SOX4: variants seen among roughly 807,000 people sequenced by gnomAD.
SOX4 encodes SRY-box transcription factor 4.
For missense variants in SOX4, 662 were observed against 694.9 expected (o/e 0.95, Z 0.53); for synonymous variants, 465 against 348.4 (o/e 1.33, Z -3.73).
rs894875547 is a variant in SOX4 at position 21,594,940 on chromosome 6, T to C, written c.406T>C (p.Ser136Pro). 5.0e-6 allele frequency: 8 copies of C among 1,611,064 alleles called. No individual in the cohort carries two copies. The highest frequency in any genetic ancestry group is 6.8e-6 in the Non-Finnish European group (8 of 1,178,818). Residue 136 changes from serine (S) to proline (P), a missense_variant, in exon 1 of 1, where the codon TCC (serine) becomes CCC (proline). Coordinates refer to ENST00000244745, the MANE Select transcript of SOX4 (RefSeq NM_003107.3). The part of the protein sequence containing the change: ...YKYRPRKKVK[S>P]GNANSSSSAA... ...GTACCGGCCCAGGAAGAAGGTGAAG[T>C]CCGGCAACGCCAACTCCAGCTCCTC... is the stretch of plus-strand genomic sequence containing the variant.
rs1213307615 is a variant in SOX4, at chr6:21,597,675, G to A, written c.*1716G>A. On this transcript the variant is annotated 3_prime_UTR_variant, in exon 1 of 1. Transcript: ENST00000244745. ...AAAAAAAGACAAGAGAGATGAAAAC[G>A]TTTGATTATTTTCTCAGTGTATTTT... 1 of 166,562 alleles carries A rather than the reference G, an allele frequency of 6.0e-6. No homozygotes were observed. The highest frequency in any genetic ancestry group is 1.5e-5 in the Non-Finnish European group (1 of 68,054). The allele number at this position is 166,562 out of a possible 1,614,324, so 10.3% of individuals were successfully genotyped here. A position where few individuals can be genotyped will look rare whatever the true frequency, so the allele number is the denominator to read the frequency against.
chr6:21,595,987 G>GA lies in SOX4; in HGVS notation c.*28_*29insA. ...GGCGCGCAGGCAGGGAGAAGGGCCG[G>GA]GGGGGGTAGGAGAGGAGAAAAAAAA... is the stretch of plus-strand genomic sequence containing the variant. On this transcript the variant is annotated 3_prime_UTR_variant, in exon 1 of 1. Transcript: ENST00000244745. 6.7e-7 allele frequency: 1 copy of GA among 1,490,122 alleles called. No individual in the cohort carries two copies. Among genetic ancestry groups the GA allele is most frequent in the Non-Finnish European group, 8.9e-7 (1 of 1,117,388 alleles). The allele number at this position is 1,490,122 out of a possible 1,614,324, so 92.3% of individuals were successfully genotyped here.
In SOX4 at chr6:21,593,918, T is replaced by C. The variant is rs937858371; in HGVS notation, c.-617T>C. The stretch of plus-strand genomic sequence containing the variant: ...GGAAACATACATTTATTCATGCCAG[T>C]CTGTTGCATGCAGGCTTTTTGGCTT... On this transcript the variant is annotated 5_prime_UTR_variant, in exon 1 of 1. Coordinates refer to ENST00000244745, the MANE Select transcript of SOX4 (RefSeq NM_003107.3). 6.6e-6 allele frequency: 1 copy of C among 152,066 alleles called. No homozygotes were observed. Among genetic ancestry groups the C allele is most frequent in the Non-Finnish European group, 1.5e-5 (1 of 68,040 alleles). 9.4% of individuals were successfully genotyped at this position (152,066 alleles called of 1,614,324 possible). A position where few individuals can be genotyped will look rare whatever the true frequency, so the allele number is the denominator to read the frequency against.
rs755350299 is a variant in SOX4, at chr6:21,595,443, C to T, written c.909C>T (p.Gly303=). 2.0e-6 allele frequency: 3 copies of T among 1,509,418 alleles called. No individual in the cohort carries two copies. The highest frequency in any genetic ancestry group is 2.9e-5 in the African/African-American group (2 of 69,326). 93.5% of individuals were successfully genotyped at this position (1,509,418 alleles called of 1,614,324 possible). ...VKRVYLFGGL[G]TSSSPVGGVG... is the part of the protein sequence containing the mutation. ...GCGTCTACCTGTTCGGCGGCCTGGG[C>T]ACGTCGTCGTCGCCCGTGGGCGGCG... The change falls in exon 1 of 1, where the codon GGC becomes GGT. Residue 303 remains glycine, a synonymous_variant. Transcript: ENST00000244745.
rs145209759 is a variant in SOX4, at chr6:21,595,737, C to G, written c.1203C>G (p.Phe401Leu). 3.8e-4 allele frequency: 617 copies of G among 1,612,616 alleles called. No homozygotes were observed. Among genetic ancestry groups the G allele is most frequent in the Middle Eastern group, 1.6e-4 (1 of 6,062 alleles). The change falls in exon 1 of 1, where the codon TTC becomes TTG. Residue 401 changes from phenylalanine to leucine, a missense_variant. By Grantham distance (22) the Phe-to-Leu change is conservative. Transcript: ENST00000244745. ...SSGSSSSDDEFEDDLLDLNPS... is the reference protein window; with the variant it reads ...SSGSSSSDDELEDDLLDLNPS... ...GCTCCTCGTCCTCCGACGACGAGTT[C>G]GAAGACGACCTGCTCGACCTGAACC...
At position 21,595,165 on chromosome 6, in the gene SOX4, G is replaced by A. The variant is rs1201164911; in HGVS notation, c.631G>A (p.Val211Ile). The A allele has an allele frequency of 8.4e-6, 11 of 1,301,794 alleles. No individual in the cohort carries two copies. Among genetic ancestry groups the A allele is most frequent in the African/African-American group, 1.6e-5 (1 of 63,954 alleles). 80.6% of individuals were successfully genotyped at this position (1,301,794 alleles called of 1,614,324 possible). The change falls in exon 1 of 1, where the codon GTT (valine) becomes ATT (isoleucine). Residue 211 changes from valine (V) to isoleucine (I), a missense_variant. Physicochemically the swap from Val to Ile is conservative, Grantham distance 29 (BLOSUM62 3). Coordinates refer to ENST00000244745, the MANE Select transcript of SOX4 (RefSeq NM_003107.3). The stretch of plus-strand genomic sequence containing the variant: ...AGTGGCGGGCGGCGCGGGCGGTGGG[G>A]TTAGCAAACCGCACGCCAAGCTCAT... ...SKVAGGAGGGVSKPHAKLILA... is the reference protein window; with the variant it reads ...SKVAGGAGGGISKPHAKLILA...
Position 21,595,773 on chromosome 6 carries a change from C to G in SOX4, c.1239C>G (p.Asn413Lys). 1 of 1,613,500 alleles carries G rather than the reference C, an allele frequency of 6.2e-7. No homozygotes were observed. Among genetic ancestry groups the G allele is most frequent in the Non-Finnish European group, 8.5e-7 (1 of 1,179,954 alleles). ...TGCTCGACCTGAACCCCAGCTCAAACTTTGAGAGCATGTCCCTGGGCAGCT... is the reference window on the plus strand; with the variant it reads ...TGCTCGACCTGAACCCCAGCTCAAAGTTTGAGAGCATGTCCCTGGGCAGCT... ...DDLLDLNPSS[N>K]FESMSLGSFS... The change falls in exon 1 of 1, where the codon AAC (asparagine) becomes AAG (lysine). Residue 413 changes from asparagine (N) to lysine (K), a missense_variant. Coordinates refer to ENST00000244745, the MANE Select transcript of SOX4 (RefSeq NM_003107.3).
Position 21,594,538 on chromosome 6 carries a change from G to A in SOX4, c.4G>A (p.Val2Met). Residue 2 changes from valine to methionine, a missense_variant, in exon 1 of 1, where the codon GTG becomes ATG. Coordinates refer to ENST00000244745, the MANE Select transcript of SOX4 (RefSeq NM_003107.3). MVQQTNNAENTE... is the reference protein window; with the variant it reads MMQQTNNAENTE... Reference sequence around the variant, plus strand: ...GGGCGCCCGCCGAGCCGAGGCCATGGTGCAGCAAACCAACAATGCCGAGAA... The same window carrying A: ...GGGCGCCCGCCGAGCCGAGGCCATGATGCAGCAAACCAACAATGCCGAGAA... The A allele has an allele frequency of 6.3e-7, 1 of 1,591,508 alleles. No individual in the cohort carries two copies. Among genetic ancestry groups the A allele is most frequent in the Non-Finnish European group, 8.5e-7 (1 of 1,172,692 alleles).
Position 21,598,522 on chromosome 6 carries a change from T to C in SOX4, c.*2563T>C, listed in dbSNP as rs1216910014. 4 of 167,030 alleles carry C rather than the reference T, an allele frequency of 2.4e-5. No individual in the cohort carries two copies. The highest frequency in any genetic ancestry group is 5.9e-5 in the Non-Finnish European group (4 of 68,122). The allele number at this position is 167,030 out of a possible 1,614,324, so 10.3% of individuals were successfully genotyped here. ...AAAAAGAAAAAATCATGCCAGCTAATCATGTCAAGTTCACTGCCTGTCAGA... is the reference window on the plus strand; with the variant it reads ...AAAAAGAAAAAATCATGCCAGCTAACCATGTCAAGTTCACTGCCTGTCAGA... On this transcript the variant is annotated 3_prime_UTR_variant, in exon 1 of 1. Transcript: ENST00000244745.
rs1361207064 is a variant in SOX4 at position 21,595,665 on chromosome 6, C to A, written c.1131C>A (p.His377Gln). ...ASPAPSSAPS[H>Q]ASSSASSHSS... ...CCGCCCCGTCCAGCGCGCCCTCGCA[C>A]GCGTCCTCCTCGGCCTCGTCCCACT... The change falls in exon 1 of 1, where the codon CAC (histidine) becomes CAA (glutamine). Residue 377 changes from histidine to glutamine, a missense_variant. Coordinates refer to ENST00000244745, the MANE Select transcript of SOX4 (RefSeq NM_003107.3). 2 of 1,540,954 alleles carry A rather than the reference C, an allele frequency of 1.3e-6. No homozygotes were observed. Among genetic ancestry groups the A allele is most frequent in the Non-Finnish European group, 1.7e-6 (2 of 1,144,304 alleles).
In SOX4 at chr6:21,596,275, A is replaced by C. The variant is rs559729519; in HGVS notation, c.*316A>C. The C allele has an allele frequency of 4.4e-6, 1 of 226,498 alleles. No homozygotes were observed. The highest frequency in any genetic ancestry group is 2.3e-5 in the African/African-American group (1 of 43,752). 14.0% of individuals were successfully genotyped at this position (226,498 alleles called of 1,614,324 possible). On this transcript the variant is annotated 3_prime_UTR_variant, in exon 1 of 1. Transcript: ENST00000244745. ...TTGATGTTGTTGTTGATGGCAAAAA[A>C]AAAAAAGCGACTTCGAGTTTGCTCC...
rs1331699708 is a variant in SOX4 at position 21,596,794 on chromosome 6, CTG to C, written c.*836_*837del. 6.0e-6 allele frequency: 1 copy of C among 166,808 alleles called. No homozygotes were observed. Among genetic ancestry groups the C allele is most frequent in the Non-Finnish European group, 1.5e-5 (1 of 68,134 alleles). 10.3% of individuals were successfully genotyped at this position (166,808 alleles called of 1,614,324 possible). A position where few individuals can be genotyped will look rare whatever the true frequency, so the allele number is the denominator to read the frequency against. On this transcript the variant is annotated 3_prime_UTR_variant, in exon 1 of 1. Coordinates refer to ENST00000244745, the MANE Select transcript of SOX4 (RefSeq NM_003107.3). ...AACTGGAAGGGGGTTCACGGTCAAACTGAAATGGATTTGCACGTTGGGGAGCT... is the reference window on the plus strand; with the variant it reads ...AACTGGAAGGGGGTTCACGGTCAAACAAATGGATTTGCACGTTGGGGAGCT...
In SOX4 at chr6:21,595,245, C is replaced by T. The variant is rs1763112608; in HGVS notation, c.711C>T (p.Phe237=). 3 of 1,249,022 alleles carry T rather than the reference C, an allele frequency of 2.4e-6. No individual in the cohort carries two copies. Among genetic ancestry groups the T allele is most frequent in the Admixed American group, 4.3e-5 (1 of 23,468 alleles). The allele number at this position is 1,249,022 out of a possible 1,614,324, so 77.4% of individuals were successfully genotyped here. ...GKAAAAAAAS[F]AAEQAGAAAL... ...CAGCGGCTGCCGCCGCCGCCTCCTTCGCCGCCGAACAGGCGGGGGCCGCCG... is the reference window on the plus strand; with the variant it reads ...CAGCGGCTGCCGCCGCCGCCTCCTTTGCCGCCGAACAGGCGGGGGCCGCCG... The change falls in exon 1 of 1, where the codon TTC becomes TTT. Residue 237 remains phenylalanine, a synonymous_variant. Transcript: ENST00000244745.
rs1281590770 is a variant in SOX4, at chr6:21,595,262, G to T, written c.728G>T (p.Gly243Val). The change falls in exon 1 of 1, where the codon GGG (glycine) becomes GTG (valine). Residue 243 changes from glycine (G) to valine (V), a missense_variant. Coordinates refer to ENST00000244745, the MANE Select transcript of SOX4 (RefSeq NM_003107.3). ...GCCTCCTTCGCCGCCGAACAGGCGG[G>T]GGCCGCCGCCCTGCTGCCCCTGGGC... ...AAASFAAEQA[G>V]AAALLPLGAA... The T allele has an allele frequency of 3.8e-6, 5 of 1,316,740 alleles. No individual in the cohort carries two copies. The African/African-American group carries it at 7.7e-5, about 20-fold the overall frequency. The allele number at this position is 1,316,740 out of a possible 1,614,324, so 81.6% of individuals were successfully genotyped here.
Position 21,597,091 on chromosome 6 carries a change from A to G in SOX4, c.*1132A>G, listed in dbSNP as rs940044791. 1 of 166,700 alleles carries G rather than the reference A, an allele frequency of 6.0e-6. No individual in the cohort carries two copies. The highest frequency in any genetic ancestry group is 6.5e-5 in the Admixed American group (1 of 15,280). The allele number at this position is 166,700 out of a possible 1,614,324, so 10.3% of individuals were successfully genotyped here. ...TAGCATGTTATCCTGTCTATCTTTTAAAGATTTCTGTATAAGACTGTTGAG... is the reference window on the plus strand; with the variant it reads ...TAGCATGTTATCCTGTCTATCTTTTGAAGATTTCTGTATAAGACTGTTGAG... On this transcript the variant is annotated 3_prime_UTR_variant, in exon 1 of 1. Transcript: ENST00000244745.
rs748261222 is a variant in SOX4, at chr6:21,594,906, C to A, written c.372C>A (p.Pro124=). ...RLRLKHMADY[P]DYKYRPRKKV... Reference sequence around the variant, plus strand: ...GCCTCAAGCACATGGCTGACTACCCCGACTACAAGTACCGGCCCAGGAAGA... The same window carrying A: ...GCCTCAAGCACATGGCTGACTACCCAGACTACAAGTACCGGCCCAGGAAGA... The change falls in exon 1 of 1, where the codon CCC becomes CCA. Residue 124 remains proline, a synonymous_variant. Transcript: ENST00000244745. 8.7e-6 allele frequency: 14 copies of A among 1,612,982 alleles called. No homozygotes were observed. The Admixed American group carries it at 1.3e-4, about 15-fold the overall frequency.
Position 21,594,395 on chromosome 6 carries a change from G to A in SOX4, c.-140G>A. On this transcript the variant is annotated 5_prime_UTR_variant, in exon 1 of 1. Coordinates refer to ENST00000244745, the MANE Select transcript of SOX4 (RefSeq NM_003107.3). Reference sequence around the variant, plus strand: ...CTTTACCCACCTCCGCCCCTGCGAGGAGTTGAGGGGCCAGTTCGGCCGCCG... The same window carrying A: ...CTTTACCCACCTCCGCCCCTGCGAGAAGTTGAGGGGCCAGTTCGGCCGCCG... The A allele has an allele frequency of 1.8e-6, 2 of 1,081,858 alleles. No homozygotes were observed. Among genetic ancestry groups the A allele is most frequent in the Non-Finnish European group, 2.4e-6 (2 of 834,002 alleles). The allele number at this position is 1,081,858 out of a possible 1,614,324, so 67.0% of individuals were successfully genotyped here. A position where few individuals can be genotyped will look rare whatever the true frequency, so the allele number is the denominator to read the frequency against.
Position 21,594,507 on chromosome 6 carries a change from G to A in SOX4, c.-28G>A. 1 of 1,452,544 alleles carries A rather than the reference G, an allele frequency of 6.9e-7. No homozygotes were observed. The highest frequency in any genetic ancestry group is 9.0e-7 in the Non-Finnish European group (1 of 1,111,886). 90.0% of individuals were successfully genotyped at this position (1,452,544 alleles called of 1,614,324 possible). A position where few individuals can be genotyped will look rare whatever the true frequency, so the allele number is the denominator to read the frequency against. On this transcript the variant is annotated 5_prime_UTR_variant, in exon 1 of 1. Transcript: ENST00000244745. ...CGGCGGCCGCCGCGAGGGTGTGAGC[G>A]CGCGTGGGCGCCCGCCGAGCCGAGG...
rs896822535 is a variant in SOX4, at chr6:21,596,975, A to G, written c.*1016A>G. On this transcript the variant is annotated 3_prime_UTR_variant, in exon 1 of 1. Coordinates refer to ENST00000244745, the MANE Select transcript of SOX4 (RefSeq NM_003107.3). ...GAGTGGTTTCGGAAAAAAAAAAAGA[A>G]AAAAAGAAAAAAAAAGAAAAAAAAA... 6.1e-6 allele frequency: 1 copy of G among 163,552 alleles called. No homozygotes were observed. Among genetic ancestry groups the G allele is most frequent in the Non-Finnish European group, 1.5e-5 (1 of 67,296 alleles). The allele number at this position is 163,552 out of a possible 1,614,324, so 10.1% of individuals were successfully genotyped here.
Sources: allele counts gnomAD v4.1 joint callset, GRCh38; gene constraint gnomAD v4.1.1; transcripts MANE v1.5; gene names NCBI Gene and HGNC (gene_info 2026-07-23, HGNC 2026-07-21).